Variants in GNA14 observed in about 807,000 individuals in gnomAD.
The protein encoded by GNA14 is G protein subunit alpha 14, also known as guanine nucleotide-binding protein subunit alpha-14.
Under a neutral mutation model 42.0 loss-of-function variants are expected in GNA14, and 50 were observed. The ratio of observed to expected loss-of-function variants is 1.19; its 90% CI spans 0.95 to 1.51. The LOEUF (loss-of-function observed/expected upper bound fraction) is 1.51. Among genes scored for constraint, GNA14 ranks in the 40% most tolerant of loss-of-function variants. The probability of loss-of-function intolerance (pLI) is 0.00; values close to 1 mark genes in which losing one functional copy is unlikely to be tolerated. For synonymous variants in GNA14, 173 were observed against 163.1 expected (o/e 1.06, Z -0.46); for missense variants, 473 against 446.2 (o/e 1.06, Z -0.54).
intron 2 of GNA14, among the ~76,000 whole-genome samples, chr9:77,470,728 G>C (rs991074523): frequency 1.3e-5 from 2 of 152,172 alleles, no homozygotes; most frequent in African/African-American, 4.8e-5. Flanking sequence ...AGGTTGAATT[G>C]ACTCATAATT....
chr9:77,538,768 T>C (rs781666964), intron 1 of GNA14, among the ~76,000 whole-genome samples: 16 of 152,238 alleles, frequency 1.1e-4, no homozygotes, highest in Non-Finnish European at 2.1e-4. Flanking sequence ...AATTTTTGTA[T>C]GTTGATTTTG....
At chr9:77,574,697 G>A (rs1823103864) in intron 1 of GNA14, among the ~76,000 whole-genome samples, 1 of 152,108 alleles carries the variant, frequency 6.6e-6, no homozygotes, top group Admixed American at 6.5e-5. Context: ...GGCAAGCTCT[G>A]GAATCTCAGT....
rs10689125 is a variant in GNA14 at position 77,503,653 on chromosome 9, AT to A, written c.309+25415del. Among the ~76,000 whole-genome samples, 1,152 of 140,674 alleles carry A rather than the reference AT, an allele frequency of 8.2e-3. 8 individuals are homozygous for A. Among genetic ancestry groups the A allele is most frequent in the Middle Eastern group, 0.026 (7 of 270 alleles). 92.3% of individuals were successfully genotyped at this position (140,674 alleles called of 152,430 possible). A position where few individuals can be genotyped will look rare whatever the true frequency, so the allele number is the denominator to read the frequency against. On this transcript the variant is annotated intron_variant, in intron 2 of 6. Coordinates refer to ENST00000341700, the MANE Select transcript of GNA14 (RefSeq NM_004297.4). ...AAAGAAATTTACATCAAATTTCAGG[AT>A]TTTTTTTTTTTTTTTGAGACAGAGT...
chr9:77,637,373 CAG>C (rs1234626623), intron 1 of GNA14, among the ~76,000 whole-genome samples: 1 of 152,082 alleles, frequency 6.6e-6, no homozygotes. Flanking sequence ...GGGAAAAAAA[CAG>C]AGATCTGGCC....
At chr9:77,517,419 A>C (rs1837274804) in intron 2 of GNA14, 1 of 151,968 alleles carries the variant, frequency 6.6e-6, no homozygotes, top group African/African-American at 2.4e-5. Flanking sequence ...GGGGCCACCC[A>C]TTAATTCATT....
In GNA14 at chr9:77,439,649, A is replaced by G. The variant is rs186902958; in HGVS notation, c.310-5127T>C. Among the ~76,000 whole-genome samples, 175 of 142,354 alleles carry G rather than the reference A, an allele frequency of 1.2e-3. 6 individuals carry two copies. The East Asian group carries it at 0.026, about 21-fold the overall frequency. 93.4% of individuals were successfully genotyped at this position (142,354 alleles called of 152,430 possible). A position where few individuals can be genotyped will look rare whatever the true frequency, so the allele number is the denominator to read the frequency against. On this transcript the variant is annotated intron_variant, in intron 2 of 6. Coordinates refer to ENST00000341700, the MANE Select transcript of GNA14 (RefSeq NM_004297.4). ...GAGATACTGTTTCAAAAATAATAAT[A>G]ATGATGATGACCCAAAAGAGTGGAG...
intron 6 of GNA14, among the ~76,000 whole-genome samples, chr9:77,424,566 C>T (rs968730156): frequency 4.1e-4 from 63 of 152,304 alleles, no homozygotes; most frequent in Admixed American, 2.4e-3. Flanking sequence ...ATTTGAGATC[C>T]TGCTTTGATC....
chr9:77,432,549 T>C, intron 3 of GNA14, among the ~76,000 whole-genome samples: 1 of 150,322 alleles, frequency 6.7e-6, no homozygotes, highest in African/African-American at 2.5e-5. Context: ...CATCACATTG[T>C]CCAATCAGCA....
chr9:77,463,101 G>A (rs1031919274), intron 2 of GNA14, among the ~76,000 whole-genome samples: 2 of 152,176 alleles, frequency 1.3e-5, no homozygotes, highest in Non-Finnish European at 2.9e-5. Flanking sequence ...CCTCTGCTGC[G>A]AATGCGAAGG....
At chr9:77,564,393 C>T (rs1263041676) in intron 1 of GNA14, among the ~76,000 whole-genome samples, 1 of 152,040 alleles carries the variant, frequency 6.6e-6, no homozygotes, top group Non-Finnish European at 1.5e-5. Flanking sequence ...AAAAAAGCTT[C>T]CCTGGTGGTT....
intron 1 of GNA14, among the ~76,000 whole-genome samples, chr9:77,606,231 A>T (rs1352518008): frequency 6.6e-6 from 1 of 152,220 alleles, no homozygotes; most frequent in Non-Finnish European, 1.5e-5. Context: ...GAAAAAAGCC[A>T]TCTCCTACCA....
At chr9:77,481,786 C>T (rs1304407855) in intron 2 of GNA14, among the ~76,000 whole-genome samples, 1 of 152,132 alleles carries the variant, frequency 6.6e-6, no homozygotes, top group Non-Finnish European at 1.5e-5. Context: ...TTGAATTGAT[C>T]CCTTTACCAT....
At chr9:77,519,698 A>G (rs978421676) in intron 2 of GNA14, among the ~76,000 whole-genome samples, 1 of 152,158 alleles carries the variant, frequency 6.6e-6, no homozygotes, top group African/African-American at 2.4e-5. Context: ...TACAATGTAC[A>G]CTACTTGGTG....
chr9:77,522,123 C>T (rs1233079946), intron 2 of GNA14, among the ~76,000 whole-genome samples: 1 of 152,182 alleles, frequency 6.6e-6, no homozygotes, highest in African/African-American at 2.4e-5. Flanking sequence ...AGGCATGGCC[C>T]ATATGCTATT....
At chr9:77,636,663 G>A (rs543690982) in intron 1 of GNA14, among the ~76,000 whole-genome samples, 1 of 152,220 alleles carries the variant, frequency 6.6e-6, no homozygotes, top group African/African-American at 2.4e-5. Context: ...AGAGAGGTGG[G>A]GAAGTGCCAG....
chr9:77,543,318 T>C (rs990058493), intron 1 of GNA14, among the ~76,000 whole-genome samples: 1 of 152,184 alleles, frequency 6.6e-6, no homozygotes, highest in Non-Finnish European at 1.5e-5. Context: ...TTCTCACGTC[T>C]TAGTCCCACA....
chr9:77,632,032 G>A (rs1824107266), intron 1 of GNA14, among the ~76,000 whole-genome samples: 1 of 152,252 alleles, frequency 6.6e-6, no homozygotes, highest in Non-Finnish European at 1.5e-5. Flanking sequence ...TACCCTGCTG[G>A]CCACCGCTGC....
At chr9:77,466,230 G>A (rs944293589) in intron 2 of GNA14, among the ~76,000 whole-genome samples, 14 of 152,132 alleles carry the variant, frequency 9.2e-5, no homozygotes, top group Admixed American at 1.3e-4. Flanking sequence ...GTCTTGTCCT[G>A]CATTCCATAT....
At position 77,494,412 on chromosome 9, in the gene GNA14, C is replaced by T. The variant is rs181710746; in HGVS notation, c.309+34657G>A. 7.6e-3 allele frequency among the ~76,000 whole-genome samples: 1,150 copies of T among 151,718 alleles called. 5 individuals are homozygous for T. Among genetic ancestry groups the T allele is most frequent in the Non-Finnish European group, 0.012 (839 of 67,930 alleles). The stretch of plus-strand genomic sequence containing the variant: ...TCTCAAATATTATTGAAATGTGGAA[C>T]ATTGCTGTCTTTTAAAGTAAGTAAA... On this transcript the variant is annotated intron_variant, in intron 2 of 6. Coordinates refer to ENST00000341700, the MANE Select transcript of GNA14 (RefSeq NM_004297.4).
Sources: gnomAD v4.1 joint callset for allele counts (sites outside exome capture counted in the v4.1 genomes callset) on GRCh38, gnomAD v4.1.1 for gene constraint, MANE v1.5 for transcripts, NCBI Gene and HGNC (gene_info 2026-07-23, HGNC 2026-07-21) for gene names.